The following ZNF732 variants were observed in gnomAD, a reference collection of about 807,000 sequenced individuals.
ZNF732 encodes zinc finger protein 732.
A neutral mutation model predicts 11.5 loss-of-function variants in ZNF732; 12 were observed. The observed-to-expected ratio is 1.05, with a 90% CI of 0.67 to 1.70. ZNF732 has a LOEUF of 1.70. Among genes scored for constraint, ZNF732 ranks in the 40% most tolerant of loss-of-function variants. The pLI is 0.00. For synonymous variants in ZNF732, 231 were observed against 236.5 expected, an observed-to-expected ratio of 0.98 and a Z score of 0.21; for missense variants, 702 against 676.9, an observed-to-expected ratio of 1.04 and a Z score of -0.41.
Position 271,435 on chromosome 4 carries a change from A to AT in ZNF732, c.1421dup (p.Tyr474Ter). Residue 474 changes from tyrosine (Y) to a stop codon, truncating the protein, a stop_gained and frameshift_variant, in exon 4 of 4, where the codon TAT becomes TAAT. Transcript: ENST00000419098. LOFTEE classifies it low-confidence loss of function (END_TRUNC). ...AGGCTTTGCCACACTCTTCACATCT[A>AT]TAAGGTTTCTCTCCAGTATGAATTT... ...HKKIHTGEKP[Y>*]RCEECGKAFL... 2 of 1,593,252 alleles carry AT rather than the reference A, an allele frequency of 1.3e-6. No individual in the cohort carries two copies. The highest frequency in any genetic ancestry group is 1.7e-6 in the Non-Finnish European group (2 of 1,171,376).
At position 278,427 on chromosome 4, in the gene ZNF732, ATATTT is replaced by A. The variant is rs372383834; in HGVS notation, c.227-5802_227-5798del. ...ATTTTTTAAATGTGACATACATACA[ATATTT>A]TATTTTAAAACAGATATTCTGACAC... On this transcript the variant is annotated intron_variant, in intron 3 of 3. Transcript: ENST00000419098. Among the ~76,000 whole-genome samples, 26 of 152,310 alleles carry A rather than the reference ATATTT, an allele frequency of 1.7e-4. 2 individuals are homozygous for A. The East Asian group carries it at 4.0e-3, about 24-fold the overall frequency.
intron 3 of ZNF732, among the ~76,000 whole-genome samples, chr4:272,872 G>C (rs1349080990): frequency 6.6e-6 from 1 of 152,046 alleles, no homozygotes; most frequent in African/African-American, 2.4e-5. Context: ...GAGCCACATA[G>C]AACAGGATAC....
intron 3 of ZNF732, among the ~76,000 whole-genome samples, chr4:292,396 A>G (rs1326945075): frequency 6.6e-6 from 1 of 152,008 alleles, no homozygotes; most frequent in Admixed American, 6.6e-5. Flanking sequence ...CGTCTCTATT[A>G]AAAATACAAA....
Position 292,890 on chromosome 4 carries a change from C to CAAAAAA in ZNF732, c.226+2542_226+2547dup, listed in dbSNP as rs34118991. 8.6e-4 allele frequency among the ~76,000 whole-genome samples: 68 copies of CAAAAAA among 79,488 alleles called. 1 individual carries two copies. The highest frequency in any genetic ancestry group is 1.3e-3 in the African/African-American group (26 of 20,362). 52.1% of individuals were successfully genotyped at this position (79,488 alleles called of 152,430 possible). ...TGAAACTCTGTCTCTACTAAAAACACAAAAAAAAAAAAAAAAAAAAAAAAA... is the reference window on the plus strand; with the variant it reads ...TGAAACTCTGTCTCTACTAAAAACACAAAAAAAAAAAAAAAAAAAAAAAAAAAAAAA... On this transcript the variant is annotated intron_variant, in intron 3 of 3. Transcript: ENST00000419098.
chr4:304,206 G>A (rs1241918292), intron 1 of ZNF732, among the ~76,000 whole-genome samples: 2 of 152,096 alleles, frequency 1.3e-5, no homozygotes, highest in South Asian at 4.1e-4. Context: ...AATGGCCAGT[G>A]AGCGTCCTCG....
At chr4:304,937 A>G (rs1413814071) in intron 1 of ZNF732, among the ~76,000 whole-genome samples, 1 of 152,002 alleles carries the variant, frequency 6.6e-6, no homozygotes, top group Non-Finnish European at 1.5e-5. Context: ...CATGAACTCT[A>G]TGTTTTGATA....
chr4:277,186 A>T (rs993772926), intron 3 of ZNF732, among the ~76,000 whole-genome samples: 2 of 152,102 alleles, frequency 1.3e-5, no homozygotes, highest in Admixed American at 6.5e-5. Flanking sequence ...AAACCTATAA[A>T]GTTATTTGAA....
At chr4:272,975 T>G (rs550503801) in intron 3 of ZNF732, among the ~76,000 whole-genome samples, 1 of 152,084 alleles carries the variant, frequency 6.6e-6, no homozygotes, top group Non-Finnish European at 1.5e-5. Flanking sequence ...GTCTTCTTAC[T>G]TAAAAGAAAA....
intron 3 of ZNF732, among the ~76,000 whole-genome samples, chr4:294,147 C>G (rs911468996): frequency 6.6e-6 from 1 of 151,974 alleles, no homozygotes; most frequent in Non-Finnish European, 1.5e-5. Flanking sequence ...ATTACAGGCG[C>G]CCCCCACCAT....
In ZNF732 at chr4:271,909, A is replaced by AT. The variant is rs782224817; in HGVS notation, c.947dup (p.Asn316LysfsTer2). 4 of 1,611,456 alleles carry AT rather than the reference A, an allele frequency of 2.5e-6. No homozygotes were observed. Among genetic ancestry groups the AT allele is most frequent in the Non-Finnish European group, 3.4e-6 (4 of 1,178,878 alleles). On this transcript the variant is annotated frameshift_variant, in exon 4 of 4. Coordinates refer to ENST00000419098, the MANE Select transcript of ZNF732 (RefSeq NM_001137608.3). LOFTEE classifies it low-confidence loss of function (END_TRUNC). ...TATGTTTAGTAAGGGTTGTGGACCT[A>AT]TTAAAGACTTTGCCACATTCCTGAC...
chr4:272,277 G>C lies in ZNF732; in HGVS notation c.580C>G (p.Pro194Ala). The change falls in exon 4 of 4, where the codon CCC (proline) becomes GCC (alanine). Residue 194 changes from proline to alanine, a missense_variant. Physicochemically the swap from Pro to Ala is conservative, Grantham distance 27. Coordinates refer to ENST00000419098, the MANE Select transcript of ZNF732 (RefSeq NM_001137608.3). ...TTGCCACATTCTTCACATGTGTAGG[G>C]TTTCTCTCCAGCATGAATTCCTTGA... The part of the protein sequence containing the change: ...QHQGIHAGEK[P>A]YTCEECGKDF... The C allele has an allele frequency of 1.2e-6, 2 of 1,613,316 alleles. No homozygotes were observed. Among genetic ancestry groups the C allele is most frequent in the Middle Eastern group, 1.7e-4 (1 of 6,060 alleles).
At chr4:284,891 A>AAAAAAAG (rs782343752) in intron 3 of ZNF732, among the ~76,000 whole-genome samples, 67 of 129,074 alleles carry the variant, frequency 5.2e-4, no homozygotes, top group Middle Eastern at 4.3e-3. Flanking sequence ...AAAAAAAAAA[A>AAAAAAAG]AAGAAGAAGA....
In ZNF732 at chr4:299,418, C is replaced by CATGTGTATATAT. The variant is rs1560165132; in HGVS notation, c.4-3264_4-3263insATATATACACAT. ...ACACATATGTGTATATATATATACA[C>CATGTGTATATAT]ATATATACACATATGTGTATATATA... On this transcript the variant is annotated intron_variant, in intron 1 of 3. Transcript: ENST00000419098. Among the ~76,000 whole-genome samples, 345 of 83,490 alleles carry CATGTGTATATAT rather than the reference C, an allele frequency of 4.1e-3. 12 individuals carry two copies. The highest frequency in any genetic ancestry group is 6.3e-3 in the Non-Finnish European group (257 of 40,860). 54.8% of individuals were successfully genotyped at this position (83,490 alleles called of 152,430 possible).
chr4:288,383 C>A (rs1395539832), intron 3 of ZNF732, among the ~76,000 whole-genome samples: 1 of 152,180 alleles, frequency 6.6e-6, no homozygotes, highest in Admixed American at 6.5e-5. Flanking sequence ...ATAATTCTTA[C>A]ATTTCAATAT....
chr4:299,577 A>AATTTATATATAAATATATATTTATAAATT (rs1553843304), intron 1 of ZNF732, among the ~76,000 whole-genome samples: 5 of 139,698 alleles, frequency 3.6e-5, no homozygotes, highest in Admixed American at 7.2e-5. Context: ...TTATATATAT[A>AATTTATATATAAATATATATTTATAAATT]ATTTATATAT....
rs1553837691 is a variant in ZNF732, at chr4:271,961, A to G, written c.896T>C (p.Ile299Thr). The G allele has an allele frequency of 1.9e-6, 3 of 1,607,512 alleles. No homozygotes were observed. The highest frequency in any genetic ancestry group is 2.5e-6 in the Non-Finnish European group (3 of 1,176,662). ...SSSNVAKHKKIHTGEKLYKCQ... is the reference protein window; with the variant it reads ...SSSNVAKHKKTHTGEKLYKCQ... ...TTTGTAGAGTTTCTCTCCGGTATGAATTTTCTTATGTTTGGCAACATTTGA... is the reference window on the plus strand; with the variant it reads ...TTTGTAGAGTTTCTCTCCGGTATGAGTTTTCTTATGTTTGGCAACATTTGA... Residue 299 changes from isoleucine to threonine, a missense_variant, in exon 4 of 4, where the codon ATT becomes ACT. Physicochemically the swap from Ile to Thr is moderately conservative, Grantham distance 89 (BLOSUM62 -1). Transcript: ENST00000419098.
chr4:272,673 A>G, intron 3 of ZNF732, 43 bp from the exon 4 acceptor site: 1 of 1,424,308 alleles, frequency 7.0e-7, no homozygotes, highest in South Asian at 1.6e-5. Context: ...CTAGATTCAT[A>G]CGAATATACT....
intron 3 of ZNF732, among the ~76,000 whole-genome samples, chr4:276,371 T>C (rs1410368431): frequency 6.6e-6 from 1 of 151,864 alleles, no homozygotes; most frequent in Non-Finnish European, 1.5e-5. Context: ...ACAATAATAA[T>C]ACTAAATAAA....
intron 3 of ZNF732, among the ~76,000 whole-genome samples, chr4:292,920 T>TAAAA (rs1719869563): frequency 9.8e-6 from 1 of 102,414 alleles, no homozygotes; most frequent in Non-Finnish European, 2.0e-5. Context: ...AAAAAAAAAT[T>TAAAA]AGCCAGGCGT....
Sources: allele counts gnomAD v4.1 joint callset (sites outside exome capture counted in the v4.1 genomes callset), GRCh38; gene constraint gnomAD v4.1.1; transcripts MANE v1.5; gene names NCBI Gene and HGNC (gene_info 2026-07-23, HGNC 2026-07-21).